The following MAGI2 variants were observed in gnomAD, a reference collection of about 807,000 sequenced individuals.
The protein encoded by MAGI2 is membrane-associated guanylate kinase, WW and PDZ domain-containing protein 2.
Under a neutral mutation model 133.3 loss-of-function variants are expected in MAGI2, and 35 were observed. The ratio of observed to expected loss-of-function variants is 0.26; its 90% CI spans 0.20 to 0.35. The LOEUF (loss-of-function observed/expected upper bound fraction) is 0.35. Ranked by LOEUF, MAGI2 falls within the 10% of genes least tolerant of loss-of-function variation. The pLI, the probability that MAGI2 is intolerant of heterozygous loss-of-function variation, is 1.00. For missense variants in MAGI2, 1,636 were observed against 1,863.4 expected (o/e 0.88, Z 2.25); for synonymous variants, 729 against 710.6 (o/e 1.03, Z -0.41).
chr7:78,990,970 C>T (rs898443132), intron 2 of MAGI2, among the ~76,000 whole-genome samples: 4 of 143,548 alleles, frequency 2.8e-5, no homozygotes, highest in Non-Finnish European at 6.1e-5. Context: ...TTTGTCCCCA[C>T]CCAAATCTCA....
chr7:79,096,318 C>T (rs1406620774), intron 1 of MAGI2, among the ~76,000 whole-genome samples: 2 of 152,140 alleles, frequency 1.3e-5, no homozygotes, highest in Non-Finnish European at 2.9e-5. Flanking sequence ...TACCTATAGC[C>T]ACAAATCCAG....
chr7:78,728,538 ATCTTTTTT>A (rs1821045067), intron 2 of MAGI2, among the ~76,000 whole-genome samples: 1 of 87,932 alleles, frequency 1.1e-5, no homozygotes, highest in South Asian at 4.1e-4. Context: ...TCTTTCTCTG[ATCTTTTTT>A]TTTTTTTTTT....
At chr7:78,470,170 T>C (rs1259059575) in intron 6 of MAGI2, among the ~76,000 whole-genome samples, 1 of 152,128 alleles carries the variant, frequency 6.6e-6, no homozygotes, top group Non-Finnish European at 1.5e-5. Context: ...GTGCCTAGCA[T>C]GACACTGGTG....
At chr7:79,306,266 T>C (rs2129560180) in intron 1 of MAGI2, among the ~76,000 whole-genome samples, 1 of 146,900 alleles carries the variant, frequency 6.8e-6, no homozygotes, top group East Asian at 2.0e-4. Context: ...TATATTTATA[T>C]ATATTTTATT....
chr7:78,957,057 A>C (rs1376644102), intron 2 of MAGI2, among the ~76,000 whole-genome samples: 1 of 152,030 alleles, frequency 6.6e-6, no homozygotes, highest in African/African-American at 2.4e-5. Flanking sequence ...TGAGGTTAGG[A>C]GTTCGAGATC....
At chr7:78,777,810 A>G (rs7810385) in intron 2 of MAGI2, among the ~76,000 whole-genome samples, 16,942 of 152,176 alleles carry the variant, frequency 0.11, 1,252 homozygotes, top group East Asian at 0.23. Context: ...AATGGAACAT[A>G]AAATGCTTTC....
chr7:79,348,921 C>T (rs1027604335), intron 1 of MAGI2, among the ~76,000 whole-genome samples: 3 of 151,900 alleles, frequency 2.0e-5, no homozygotes, highest in Admixed American at 2.0e-4. Flanking sequence ...CTATTTAAGA[C>T]AACAGGAGAG....
chr7:79,181,967 A>C (rs1826661027), intron 1 of MAGI2, among the ~76,000 whole-genome samples: 1 of 151,956 alleles, frequency 6.6e-6, no homozygotes, highest in Non-Finnish European at 1.5e-5. Flanking sequence ...CCTCATCTCC[A>C]TCTGAGACCA....
chr7:78,204,739 G>T (rs573848388), intron 10 of MAGI2, among the ~76,000 whole-genome samples: 1 of 151,926 alleles, frequency 6.6e-6, no homozygotes, highest in Non-Finnish European at 1.5e-5. Flanking sequence ...TTAATCTTGC[G>T]TCTTATGATA....
At chr7:78,530,247 CT>C (rs1797350020) in intron 3 of MAGI2, among the ~76,000 whole-genome samples, 1 of 136,070 alleles carries the variant, frequency 7.3e-6, no homozygotes, top group Non-Finnish European at 1.6e-5. Flanking sequence ...AATGATATTT[CT>C]CTTGTTTGAT....
chr7:78,625,241 G>A (rs1028422193), intron 3 of MAGI2, among the ~76,000 whole-genome samples: 1 of 151,450 alleles, frequency 6.6e-6, no homozygotes, highest in African/African-American at 2.4e-5. Flanking sequence ...AGAACCATAA[G>A]ATTTAAACTG....
chr7:79,161,283 A>G (rs1266848889), intron 1 of MAGI2, among the ~76,000 whole-genome samples: 3 of 152,002 alleles, frequency 2.0e-5, no homozygotes, highest in Non-Finnish European at 2.9e-5. Context: ...AACTAGTAAA[A>G]TTGCCTGAGC....
At chr7:78,938,904 AT>A (rs1451814548) in intron 2 of MAGI2, among the ~76,000 whole-genome samples, 4 of 152,156 alleles carry the variant, frequency 2.6e-5, no homozygotes, top group Non-Finnish European at 4.4e-5. Context: ...AGTCTTTAAA[AT>A]TTTTTGGAGA....
chr7:78,057,448 T>C (rs187929996), intron 21 of MAGI2, among the ~76,000 whole-genome samples: 179 of 152,280 alleles, frequency 1.2e-3, no homozygotes, highest in African/African-American at 4.2e-3. Context: ...TTCACCATGT[T>C]GGCCAGGCTG....
chr7:78,568,635 A>G (rs1178161219), intron 3 of MAGI2, among the ~76,000 whole-genome samples: 1 of 152,160 alleles, frequency 6.6e-6, no homozygotes, highest in Admixed American at 6.5e-5. Flanking sequence ...GCTTCTGAAC[A>G]AGTTACCACA....
chr7:78,862,303 T>A (rs1264146350), intron 2 of MAGI2, among the ~76,000 whole-genome samples: 1 of 152,222 alleles, frequency 6.6e-6, no homozygotes, highest in Non-Finnish European at 1.5e-5. Flanking sequence ...CATTCTACAA[T>A]GTGGACTTTA....
chr7:79,227,451 A>G (rs1410724499), intron 1 of MAGI2, among the ~76,000 whole-genome samples: 1 of 152,230 alleles, frequency 6.6e-6, no homozygotes, highest in Non-Finnish European at 1.5e-5. Flanking sequence ...TCACACACTA[A>G]GCAAAGCTAG....
At chr7:79,307,984 A>G (rs1837956848) in intron 1 of MAGI2, among the ~76,000 whole-genome samples, 1 of 152,190 alleles carries the variant, frequency 6.6e-6, no homozygotes, top group Non-Finnish European at 1.5e-5. Context: ...CCACATTCCT[A>G]CAGAAAAATA....
At chr7:78,633,247 G>A (rs1291365065) in intron 2 of MAGI2, among the ~76,000 whole-genome samples, 2 of 152,130 alleles carry the variant, frequency 1.3e-5, no homozygotes, top group Non-Finnish European at 2.9e-5. Flanking sequence ...ACTTGAGGGC[G>A]GAAGGCGGGA....
Sources: gnomAD v4.1 joint callset for allele counts (sites outside exome capture counted in the v4.1 genomes callset) on GRCh38, gnomAD v4.1.1 for gene constraint, MANE v1.5 for transcripts, NCBI Gene and HGNC (gene_info 2026-07-23, HGNC 2026-07-21) for gene names.